UGT2B4: variants seen among roughly 807,000 people sequenced by gnomAD.
The protein encoded by UGT2B4 is UDP glucuronosyltransferase family 2 member B4, also known as UDP-glucuronosyltransferase 2B4.
UGT2B4 carries 49 observed loss-of-function variants against 49.8 expected under a neutral mutation model. The observed-to-expected ratio is 0.98, with a 90% confidence interval of 0.78 to 1.25. UGT2B4 has a LOEUF of 1.25. Ranked by LOEUF, UGT2B4 falls within the 50% of genes most tolerant of loss-of-function variation. The probability of loss-of-function intolerance (pLI) is 0.00; values close to 1 mark genes in which losing one functional copy is unlikely to be tolerated. For missense variants in UGT2B4, 729 were observed against 627.7 expected (o/e 1.16, Z -1.73); for synonymous variants, 246 against 217.7 (o/e 1.13, Z -1.14).
intron 1 of UGT2B4, among the ~76,000 whole-genome samples, chr4:69,516,446 C>G (rs920630535): frequency 6.6e-6 from 1 of 152,162 alleles, no homozygotes; most frequent in African/African-American, 2.4e-5. Context: ...TACATTCCCA[C>G]CAGCAGTATA....
At chr4:69,482,228 G>A (rs371556619) in intron 5 of UGT2B4, among the ~76,000 whole-genome samples, 14 of 152,144 alleles carry the variant, frequency 9.2e-5, no homozygotes, top group African/African-American at 3.4e-4. Context: ...GGCTTTTCCT[G>A]GCCACACTAT....
At position 69,480,738 on chromosome 4, in the gene UGT2B4, C is replaced by G. The variant is rs1370271320; in HGVS notation, c.1483G>C (p.Gly495Arg). 5.6e-6 allele frequency: 9 copies of G among 1,613,858 alleles called. No individual in the cohort carries two copies. Among genetic ancestry groups the G allele is most frequent in the Non-Finnish European group, 7.6e-6 (9 of 1,179,944 alleles). ...WFQYHSLDVT[G>R]FLLACVATVI... The stretch of plus-strand genomic sequence containing the variant: ...GTTGCCACACAGGCCAGCAGGAACC[C>G]AGTCACATCCAAAGAGTGGTACTGG... The change falls in exon 6 of 6, where the codon GGG (glycine) becomes CGG (arginine). Residue 495 changes from glycine to arginine, a missense_variant. By Grantham distance (125) the Gly-to-Arg change is moderately radical (BLOSUM62 -2). Coordinates refer to ENST00000305107, the MANE Select transcript of UGT2B4 (RefSeq NM_021139.3).
chr4:69,487,951 CT>C (rs1727844060), intron 3 of UGT2B4, among the ~76,000 whole-genome samples: 1 of 151,890 alleles, frequency 6.6e-6, no homozygotes, highest in Admixed American at 6.6e-5. Flanking sequence ...AAGTAGTTCA[CT>C]TATATCTACT....
upstream of UGT2B4, among the ~76,000 whole-genome samples, chr4:69,500,670 G>GAAAGA (rs1560438465): frequency 0.018 from 1,130 of 62,494 alleles, 8 homozygotes; most frequent in Middle Eastern, 0.041. Context: ...AGAAAGAAAG[G>GAAAGA]AAGGAAAGAA....
intron 1 of UGT2B4, among the ~76,000 whole-genome samples, chr4:69,520,573 G>A (rs538544383): frequency 2.6e-5 from 4 of 152,346 alleles, no homozygotes; most frequent in Non-Finnish European, 4.4e-5. Context: ...CCTTACTCCC[G>A]GAACCCAGTC....
At chr4:69,487,378 T>C (rs778081250) in intron 3 of UGT2B4, among the ~76,000 whole-genome samples, 1 of 152,014 alleles carries the variant, frequency 6.6e-6, no homozygotes, top group Non-Finnish European at 1.5e-5. Context: ...ATAAAGAAAA[T>C]GTGGTACATG....
upstream of UGT2B4, among the ~76,000 whole-genome samples, chr4:69,500,862 C>T (rs1728302456): frequency 6.6e-6 from 1 of 152,150 alleles, no homozygotes; most frequent in African/African-American, 2.4e-5. Flanking sequence ...TTAATTGTGA[C>T]ACACAGAGCT....
chr4:69,493,675 C>T lies in UGT2B4; in HGVS notation c.870+18G>A, dbSNP rs1221277254. The T allele has an allele frequency of 5.7e-6, 9 of 1,589,936 alleles. No individual in the cohort carries two copies. Among genetic ancestry groups the T allele is most frequent in the Non-Finnish European group, 7.7e-6 (9 of 1,172,478 alleles). On this transcript the variant is annotated intron_variant, in intron 2 of 5. Coordinates refer to ENST00000305107, the MANE Select transcript of UGT2B4 (RefSeq NM_021139.3). ...TACTGAAACTTCAAAGCAGACAAAACAAACAGTAATAGTTTACCTTCGGTA... is the reference window on the plus strand; with the variant it reads ...TACTGAAACTTCAAAGCAGACAAAATAAACAGTAATAGTTTACCTTCGGTA...
chr4:69,522,271 G>C (rs1728865777), intron 1 of UGT2B4, among the ~76,000 whole-genome samples: 1 of 152,084 alleles, frequency 6.6e-6, no homozygotes, highest in Non-Finnish European at 1.5e-5. Context: ...CACAACCTAA[G>C]TTTGAATGTT....
chr4:69,520,161 C>T (rs893174750), intron 1 of UGT2B4, among the ~76,000 whole-genome samples: 1 of 152,156 alleles, frequency 6.6e-6, no homozygotes, highest in African/African-American at 2.4e-5. Flanking sequence ...TTTTCACACA[C>T]ATATGTATCA....
chr4:69,490,881 C>T (rs41297375), intron 2 of UGT2B4, among the ~76,000 whole-genome samples: 133 of 152,208 alleles, frequency 8.7e-4, no homozygotes, highest in African/African-American at 2.9e-3. Context: ...TGTCCAGAGC[C>T]GCCTTCATCC....
Position 69,495,537 on chromosome 4 carries a change from A to T in UGT2B4, c.325T>A (p.Phe109Ile). 1.2e-6 allele frequency: 2 copies of T among 1,613,264 alleles called. No individual in the cohort carries two copies. Among genetic ancestry groups the T allele is most frequent in the Non-Finnish European group, 1.7e-6 (2 of 1,179,560 alleles). Residue 109 changes from phenylalanine (F) to isoleucine (I), a missense_variant, in exon 1 of 6, where the codon TTT (phenylalanine) becomes ATT (isoleucine). Coordinates refer to ENST00000305107, the MANE Select transcript of UGT2B4 (RefSeq NM_021139.3). The stretch of plus-strand genomic sequence containing the variant: ...CACATGATTTCTTGTACTTGTGAAA[A>T]ATATGACCAAAATGTGTCTTTTGGA... ...ELPKDTFWSY[F>I]SQVQEIMWTF...
chr4:69,481,563 T>A (rs1328312558), intron 5 of UGT2B4, among the ~76,000 whole-genome samples: 6 of 152,200 alleles, frequency 3.9e-5, no homozygotes. Context: ...GGTATTTTTC[T>A]ATGAGGTGCA....
At chr4:69,502,151 CTT>C (rs1728354837) in intron 1 of UGT2B4, among the ~76,000 whole-genome samples, 1 of 72,034 alleles carries the variant, frequency 1.4e-5, no homozygotes, top group South Asian at 4.6e-4. Flanking sequence ...CTTTCTTTCT[CTT>C]TCTTTCTTTC....
In UGT2B4 at chr4:69,495,449, T is replaced by C. The variant is rs1728127109; in HGVS notation, c.413A>G (p.Lys138Arg). Residue 138 changes from lysine to arginine, a missense_variant, in exon 1 of 6, where the codon AAG becomes AGG. Physicochemically the swap from Lys to Arg is conservative, Grantham distance 26. Coordinates refer to ENST00000305107, the MANE Select transcript of UGT2B4 (RefSeq NM_021139.3). ...ATCAAATCTTGACTCCTGTAGTTTC[T>C]TCATAAGTTTCTTATTTGAAACTAT... ...KDIVSNKKLM[K>R]KLQESRFDVV... The C allele has an allele frequency of 6.2e-7, 1 of 1,613,516 alleles. No individual in the cohort carries two copies. Among genetic ancestry groups the C allele is most frequent in the African/African-American group, 1.3e-5 (1 of 75,044 alleles).
intron 1 of UGT2B4, among the ~76,000 whole-genome samples, chr4:69,520,309 C>A (rs1417509916): frequency 6.6e-6 from 1 of 152,194 alleles, no homozygotes; most frequent in Non-Finnish European, 1.5e-5. Flanking sequence ...CAGCTCTCAG[C>A]CCGTACGACA....
chr4:69,489,738 A>G (rs566961345), intron 2 of UGT2B4, among the ~76,000 whole-genome samples, 168 bp from the exon 3 acceptor site: 1 of 152,232 alleles, frequency 6.6e-6, no homozygotes, highest in African/African-American at 2.4e-5. Flanking sequence ...TATGTATAAT[A>G]TGAGATAGGT....
intron 1 of UGT2B4, among the ~76,000 whole-genome samples, chr4:69,504,806 C>T (rs911344562): frequency 2.9e-4 from 44 of 151,824 alleles, no homozygotes; most frequent in African/African-American, 9.9e-4. Context: ...TTATCAGATT[C>T]TTCTTGGTAG....
chr4:69,515,750 A>G (rs942208013), intron 1 of UGT2B4, among the ~76,000 whole-genome samples: 3 of 152,172 alleles, frequency 2.0e-5, no homozygotes, highest in Non-Finnish European at 4.4e-5. Flanking sequence ...AATAAAATAG[A>G]TACACCACTA....
Sources: allele counts gnomAD v4.1 joint callset (sites outside exome capture counted in the v4.1 genomes callset), GRCh38; gene constraint gnomAD v4.1.1; transcripts MANE v1.5; gene names NCBI Gene and HGNC (gene_info 2026-07-23, HGNC 2026-07-21).